The following PSMD11 variants were observed in gnomAD, a reference collection of about 807,000 sequenced individuals.
PSMD11 encodes proteasome 26S subunit, non-ATPase 11, also known as 26S proteasome non-ATPase regulatory subunit 11.
In PSMD11, 5 loss-of-function variants were observed where a neutral mutation model predicts 62.3. The ratio of observed to expected loss-of-function variants is 0.08; its 90% confidence interval spans 0.04 to 0.17. The LOEUF is 0.17. Ranked by LOEUF, PSMD11 falls within the 10% of genes least tolerant of loss-of-function variation. The probability of loss-of-function intolerance (pLI) is 1.00; values close to 1 mark genes in which losing one functional copy is unlikely to be tolerated. For synonymous variants in PSMD11, 191 were observed against 191.8 expected (o/e 1.00, Z 0.03); for missense variants, 310 against 512.9 (o/e 0.60, Z 3.82).
At chr17:32,464,478 G>T in intron 4 of PSMD11, 43 bp from the exon 5 acceptor site, 1 of 1,465,046 alleles carries the variant, frequency 6.8e-7, no homozygotes. Flanking sequence ...TCTTTCTGTG[G>T]CTTTTTCCCC....
chr17:32,454,745 A>G (rs770458809), intron 3 of PSMD11, 126 bp downstream of exon 3: 4 of 1,026,502 alleles, frequency 3.9e-6, no homozygotes, highest in Admixed American at 2.9e-5. Context: ...AGGACTTATC[A>G]TGTCAGTTTC....
chr17:32,461,188 C>T (rs967699963), intron 3 of PSMD11, among the ~76,000 whole-genome samples: 4 of 152,014 alleles, frequency 2.6e-5, no homozygotes, highest in African/African-American at 9.7e-5. Flanking sequence ...TGTGATTCTC[C>T]TGCCTCAGCC....
At chr17:32,479,411 G>T in intron 10 of PSMD11, 35 bp downstream of exon 10, 1 of 1,609,612 alleles carries the variant, frequency 6.2e-7, no homozygotes, top group Non-Finnish European at 8.5e-7. Context: ...TTCTGGCCAG[G>T]CATTCTCACT....
intron 4 of PSMD11, 21 bp downstream of exon 4, chr17:32,464,141 C>A (rs750979140): frequency 1.3e-6 from 2 of 1,591,108 alleles, no homozygotes; most frequent in South Asian, 2.2e-5. Flanking sequence ...CATTAGTACT[C>A]ATTTCAGGTC....
chr17:32,466,254 C>T (rs1011409994), intron 5 of PSMD11, among the ~76,000 whole-genome samples: 1 of 146,486 alleles, frequency 6.8e-6, no homozygotes, highest in Non-Finnish European at 1.5e-5. Context: ...GCCTTGGCCT[C>T]CCAAAGTACT....
chr17:32,479,719 T>G, intron 10 of PSMD11, 132 bp from the exon 11 acceptor site: 1 of 1,070,532 alleles, frequency 9.3e-7, no homozygotes, highest in Non-Finnish European at 1.4e-6. Context: ...ACAAGAGACT[T>G]AAGCACGGCC....
Position 32,479,263 on chromosome 17 carries a change from T to C in PSMD11, c.925T>C (p.Tyr309His), listed in dbSNP as rs764695228. 1 of 1,613,998 alleles carries C rather than the reference T, an allele frequency of 6.2e-7. No homozygotes were observed. Among genetic ancestry groups the C allele is most frequent in the African/African-American group, 1.3e-5 (1 of 74,926 alleles). The change falls in exon 10 of 14, where the codon TAC becomes CAC. Residue 309 changes from tyrosine (Y) to histidine (H), a missense_variant. Coordinates refer to ENST00000261712, the MANE Select transcript of PSMD11 (RefSeq NM_002815.4). ...GTTCCTTTGGCAGGCTCTGACAGAT[T>C]ACCGGGCAGAGCTCCGGGATGACCC... Reference protein sequence around the residue: ...LADFEKALTDYRAELRDDPII... With the variant: ...LADFEKALTDHRAELRDDPII...
intron 6 of PSMD11, among the ~76,000 whole-genome samples, chr17:32,471,889 T>A (rs1908172706): frequency 6.6e-6 from 1 of 152,014 alleles, no homozygotes; most frequent in South Asian, 2.1e-4. Flanking sequence ...TTTTTTTTTT[T>A]AGACGGTCTC....
At chr17:32,448,041 T>A (rs748492851) in intron 2 of PSMD11, among the ~76,000 whole-genome samples, 7 of 151,596 alleles carry the variant, frequency 4.6e-5, no homozygotes, top group Non-Finnish European at 8.8e-5. Flanking sequence ...CCACCAAGCC[T>A]GGCTAATTTT....
intron 2 of PSMD11, among the ~76,000 whole-genome samples, chr17:32,448,470 C>T (rs1597829325): frequency 2.6e-5 from 4 of 151,860 alleles, no homozygotes; most frequent in East Asian, 3.9e-4. Context: ...CAGGTTCAAG[C>T]GATTCTACTA....
rs1908079932 is a variant in PSMD11, at chr17:32,469,034, G to A, written c.484G>A (p.Asp162Asn). 1.2e-6 allele frequency: 2 copies of A among 1,613,638 alleles called. No individual in the cohort carries two copies. Among genetic ancestry groups the A allele is most frequent in the African/African-American group, 1.3e-5 (1 of 74,812 alleles). ...GCTGCGGGAGTTGAAAAAGATGGACGACAAAGCTCTTTTGGTGGAAGTACA... is the reference window on the plus strand; with the variant it reads ...GCTGCGGGAGTTGAAAAAGATGGACAACAAAGCTCTTTTGGTGGAAGTACA... ...QLLRELKKMD[D>N]KALLVEVQLL... is the part of the protein sequence containing the mutation. The change falls in exon 6 of 14, where the codon GAC becomes AAC. Residue 162 changes from aspartate (D) to asparagine (N), a missense_variant. By Grantham distance (23) the Asp-to-Asn change is conservative (BLOSUM62 1). Around this residue, in one of 6 missense-constraint regions of PSMD11, gnomAD observed 47 missense variants for 59.0 expected, o/e 0.80. Coordinates refer to ENST00000261712, the MANE Select transcript of PSMD11 (RefSeq NM_002815.4).
Position 32,480,803 on chromosome 17 carries a change from A to T in PSMD11, c.*51A>T. 1 of 656,958 alleles carries T rather than the reference A, an allele frequency of 1.5e-6. No homozygotes were observed. Among genetic ancestry groups the T allele is most frequent in the Non-Finnish European group, 2.4e-6 (1 of 422,216 alleles). 40.7% of individuals were successfully genotyped at this position (656,958 alleles called of 1,614,324 possible). A position where few individuals can be genotyped will look rare whatever the true frequency, so the allele number is the denominator to read the frequency against. ...AGAGTGTGTGTGGCGGGAGAGTGAAACCTTGGGGGAAAATGCTAGGAGATT... is the reference window on the plus strand; with the variant it reads ...AGAGTGTGTGTGGCGGGAGAGTGAATCCTTGGGGGAAAATGCTAGGAGATT... On this transcript the variant is annotated 3_prime_UTR_variant, in exon 14 of 14. Transcript: ENST00000261712.
At position 32,446,937 on chromosome 17, in the gene PSMD11, T is replaced by C. The variant is rs1024900510; in HGVS notation, c.92-8T>C. The C allele has an allele frequency of 6.3e-7, 1 of 1,599,568 alleles. No homozygotes were observed. Among genetic ancestry groups the C allele is most frequent in the South Asian group, 1.1e-5 (1 of 89,976 alleles). On this transcript the variant is annotated splice_polypyrimidine_tract_variant and splice_region_variant and intron_variant, in intron 1 of 13. Transcript: ENST00000261712. ...AATTTTAAGAGGGTTTGCATTTTCC[T>C]CTCCCAGTGAAGCGTGACATTCAGG... is the stretch of plus-strand genomic sequence containing the variant.
intron 1 of PSMD11, chr17:32,444,875 C>T: frequency 1.9e-6 from 1 of 530,244 alleles, no homozygotes; most frequent in Non-Finnish European, 3.3e-6. Flanking sequence ...GGAGAGTGGG[C>T]CGAGCCGGGC....
intron 2 of PSMD11, among the ~76,000 whole-genome samples, chr17:32,452,060 C>G (rs1405019773): frequency 6.6e-6 from 1 of 152,116 alleles, no homozygotes; most frequent in African/African-American, 2.4e-5. Flanking sequence ...TTTATCAGAC[C>G]CATAGATTTT....
At chr17:32,466,286 C>A (rs1459126625) in intron 5 of PSMD11, among the ~76,000 whole-genome samples, 1 of 152,276 alleles carries the variant, frequency 6.6e-6, no homozygotes, top group South Asian at 2.1e-4. Context: ...TGTGAGCTAC[C>A]GTGCCTGGCC....
intron 1 of PSMD11, chr17:32,445,919 A>G (rs906632852): frequency 2.0e-5 from 3 of 152,212 alleles, no homozygotes; most frequent in African/African-American, 7.2e-5. Flanking sequence ...CTTCTACGGA[A>G]CCAGAGTCAT....
chr17:32,454,624 G>A lies in PSMD11; in HGVS notation c.318+5G>A, dbSNP rs764608128. On this transcript the variant is annotated splice_donor_5th_base_variant and intron_variant, in intron 3 of 13. Transcript: ENST00000261712. ...GAAGCAGCTACAGGGCAGGAGGTAA[G>A]TGATATTAATGACAGAAAGTAGACA... 8.1e-6 allele frequency: 13 copies of A among 1,611,030 alleles called. No homozygotes were observed. Among genetic ancestry groups the A allele is most frequent in the East Asian group, 2.2e-5 (1 of 44,866 alleles).
chr17:32,454,657 G>A lies in PSMD11; in HGVS notation c.318+38G>A, dbSNP rs757356221. 3.1e-5 allele frequency: 49 copies of A among 1,600,046 alleles called. No individual in the cohort carries two copies. The Middle Eastern group carries it at 5.0e-4, about 16-fold the overall frequency. On this transcript the variant is annotated intron_variant, in intron 3 of 13. Transcript: ENST00000261712. ...AATGACAGAAAGTAGACAATATGGA[G>A]AAAAGTTTGTTTCCAAGAAAGAAAT...
Sources: allele counts gnomAD v4.1 joint callset (sites outside exome capture counted in the v4.1 genomes callset), GRCh38; gene constraint gnomAD v4.1.1; regional missense constraint gnomAD v4.1.1; transcripts MANE v1.5; gene names NCBI Gene and HGNC (gene_info 2026-07-23, HGNC 2026-07-21).